TBCD: variants seen among roughly 807,000 people sequenced by gnomAD.
The protein encoded by TBCD is tubulin folding cofactor D, also known as tubulin-specific chaperone D.
Under a neutral mutation model 169.3 loss-of-function variants are expected in TBCD, and 105 were observed. The observed-to-expected ratio is 0.62, with a 90% confidence interval of 0.53 to 0.73. The LOEUF (loss-of-function observed/expected upper bound fraction) is 0.73. Ranked by LOEUF, TBCD falls within the 30% of genes least tolerant of loss-of-function variation. TBCD has a pLI of 0.00. For synonymous variants in TBCD, 700 were observed against 643.9 expected, an observed-to-expected ratio of 1.09 and a Z score of -1.32; for missense variants, 1,444 against 1,600.1, an observed-to-expected ratio of 0.90 and a Z score of 1.66.
chr17:82,776,379 A>T (rs1283975831), intron 6 of TBCD, among the ~76,000 whole-genome samples: 1 of 152,214 alleles, frequency 6.6e-6, no homozygotes, highest in Non-Finnish European at 1.5e-5. Flanking sequence ...ACTGCATTCC[A>T]GCCTGCACAA....
intron 13 of TBCD, among the ~76,000 whole-genome samples, chr17:82,820,797 CTATGAG>C (rs2052352494): frequency 6.8e-6 from 1 of 146,878 alleles, no homozygotes; most frequent in African/African-American, 2.5e-5. Context: ...TGATGGTGCC[CTATGAG>C]TCTCTTAGGT....
chr17:82,925,794 G>A (rs1234041169), intron 27 of TBCD, among the ~76,000 whole-genome samples: 4 of 152,190 alleles, frequency 2.6e-5, no homozygotes, highest in Admixed American at 1.3e-4. Flanking sequence ...TGAGGTTGTC[G>A]GGACCCAGCA....
At chr17:82,819,544 A>T (rs577048121) in intron 13 of TBCD, among the ~76,000 whole-genome samples, 20 of 152,308 alleles carry the variant, frequency 1.3e-4, no homozygotes, top group Admixed American at 1.3e-3. Flanking sequence ...AAATTGTTTT[A>T]AAAAGGTAGT....
intron 6 of TBCD, among the ~76,000 whole-genome samples, chr17:82,779,332 G>T (rs1432685464): frequency 6.6e-6 from 1 of 152,202 alleles, no homozygotes; most frequent in Non-Finnish European, 1.5e-5. Flanking sequence ...TGTTTACCAG[G>T]CTGGTCTTGA....
chr17:82,815,112 C>T (rs1374373311), intron 13 of TBCD, among the ~76,000 whole-genome samples, 178 bp downstream of exon 13: 2 of 152,204 alleles, frequency 1.3e-5, no homozygotes, highest in Non-Finnish European at 2.9e-5. Context: ...CGCGGTGTGG[C>T]CCTGCCGCGG....
chr17:82,850,373 C>CTGTTGTTGGCTGTCA (rs2055663673), intron 13 of TBCD, among the ~76,000 whole-genome samples: 1 of 148,278 alleles, frequency 6.7e-6, no homozygotes, highest in East Asian at 2.0e-4. Flanking sequence ...GTTGGCTGTC[C>CTGTTGTTGGCTGTCA]TGTTGTTGGC....
At chr17:82,778,163 A>G (rs2048718946) in intron 6 of TBCD, among the ~76,000 whole-genome samples, 2 of 152,222 alleles carry the variant, frequency 1.3e-5, no homozygotes, top group African/African-American at 2.4e-5. Flanking sequence ...TTAATGATAT[A>G]TATAATCATA....
At chr17:82,805,179 C>T (rs920664898) in intron 9 of TBCD, among the ~76,000 whole-genome samples, 2 of 152,270 alleles carry the variant, frequency 1.3e-5, no homozygotes, top group African/African-American at 2.4e-5. Context: ...GACGGCTCCT[C>T]ACACAGCTCT....
intron 14 of TBCD, among the ~76,000 whole-genome samples, chr17:82,877,426 A>G (rs1295742295): frequency 1.3e-5 from 2 of 152,136 alleles, no homozygotes; most frequent in South Asian, 2.1e-4. Context: ...GCTCACTGCA[A>G]TCTCCGCCTC....
Position 82,923,574 on chromosome 17 carries a change from G to A in TBCD, c.2179-78G>A, listed in dbSNP as rs78390481. On this transcript the variant is annotated intron_variant, in intron 25 of 38. Transcript: ENST00000355528. This position sits in a 1 kb window ranked among gnomAD's most constrained non-coding sequence, Gnocchi z 4.6. ...CTGGTCAGGTGCTTCTCCGACTTCA[G>A]AGTGACCTGCTCTGTCCCTGGCCGG... 4.1e-6 allele frequency: 5 copies of A among 1,234,532 alleles called. No individual in the cohort carries two copies. The highest frequency in any genetic ancestry group is 5.7e-6 in the Non-Finnish European group (5 of 871,316). The allele number at this position is 1,234,532 out of a possible 1,614,324, so 76.5% of individuals were successfully genotyped here. A position where few individuals can be genotyped will look rare whatever the true frequency, so the allele number is the denominator to read the frequency against.
At chr17:82,900,798 T>C (rs962107375) in intron 18 of TBCD, 67 bp downstream of exon 18, 84 of 1,191,464 alleles carry the variant, frequency 7.1e-5, no homozygotes, top group Non-Finnish European at 9.1e-5. Context: ...CAGTTGAGCT[T>C]ATAAGCCTTG....
chr17:82,850,938 G>A (rs1325388018), intron 13 of TBCD, among the ~76,000 whole-genome samples: 2 of 152,190 alleles, frequency 1.3e-5, no homozygotes, highest in Admixed American at 6.5e-5. Context: ...TGTATAAAAC[G>A]CACATTACAT....
intron 12 of TBCD, among the ~76,000 whole-genome samples, chr17:82,810,235 C>T (rs1393720862): frequency 1.3e-5 from 2 of 152,174 alleles, no homozygotes; most frequent in African/African-American, 2.4e-5. Context: ...AGTGGGAGGA[C>T]GGCTTGAGCC....
intron 8 of TBCD, among the ~76,000 whole-genome samples, chr17:82,798,350 G>A (rs2050261195): frequency 6.6e-6 from 1 of 152,146 alleles, no homozygotes; most frequent in Admixed American, 6.5e-5. Flanking sequence ...GTTTCACCGT[G>A]TTAGCCAGGA....
chr17:82,818,201 G>A (rs143803576), intron 13 of TBCD, among the ~76,000 whole-genome samples: 143 of 152,344 alleles, frequency 9.4e-4, no homozygotes, highest in Middle Eastern at 6.8e-3. Context: ...CATGACCTTC[G>A]CATGGTTGGT....
intron 13 of TBCD, among the ~76,000 whole-genome samples, chr17:82,842,560 TGTC>T (rs571853905): frequency 6.6e-6 from 1 of 152,200 alleles, no homozygotes; most frequent in Non-Finnish European, 1.5e-5. Flanking sequence ...TCGGATCCCA[TGTC>T]GTCTTTCTCT....
intron 19 of TBCD, among the ~76,000 whole-genome samples, chr17:82,905,280 T>G (rs1237792503): frequency 6.6e-6 from 1 of 152,232 alleles, no homozygotes; most frequent in Admixed American, 6.5e-5. Context: ...TCCTCCTCCA[T>G]GCTCCCTCTC....
intron 6 of TBCD, among the ~76,000 whole-genome samples, chr17:82,778,737 A>C (rs1038147297): frequency 2.2e-3 from 1 of 458 alleles, no homozygotes; most frequent in South Asian, 0.083. Flanking sequence ...TCTCAGCTCC[A>C]CTGAACCTCT....
At chr17:82,867,539 CCT>C (rs1274233814) in intron 13 of TBCD, among the ~76,000 whole-genome samples, 1 of 152,336 alleles carries the variant, frequency 6.6e-6, no homozygotes, top group East Asian at 1.9e-4. Flanking sequence ...AACAGGCTGC[CCT>C]GTTAGCACAG....
Sources: allele counts gnomAD v4.1 joint callset (sites outside exome capture counted in the v4.1 genomes callset), GRCh38; gene constraint gnomAD v4.1.1; non-coding constraint Gnocchi (gnomAD v3.1); transcripts MANE v1.5; gene names NCBI Gene and HGNC (gene_info 2026-07-23, HGNC 2026-07-21).